Variants in CUX1 observed in about 807,000 individuals in gnomAD.
The protein encoded by CUX1 is cut like homeobox 1.
A neutral mutation model predicts 158.8 loss-of-function variants in CUX1; 31 were observed. That is an observed-to-expected ratio of 0.20 (90% CI 0.15 to 0.26). The LOEUF (loss-of-function observed/expected upper bound fraction) is 0.26. Ranked by LOEUF, CUX1 falls within the 10% of genes least tolerant of loss-of-function variation. CUX1 has a pLI of 1.00. For missense variants in CUX1, 1,589 were observed against 2,014.6 expected, an observed-to-expected ratio of 0.79 and a Z score of 4.04; for synonymous variants, 879 against 862.1, an observed-to-expected ratio of 1.02 and a Z score of -0.34.
intron 2 of CUX1, among the ~76,000 whole-genome samples, chr7:101,999,111 A>G (rs1585224252): frequency 1.3e-5 from 2 of 150,014 alleles, no homozygotes; most frequent in Admixed American, 6.6e-5. Context: ...AGGAGGGGCC[A>G]CCTCTGGAGT....
chr7:102,189,399 A>ATTTTT (rs1554516291), intron 11 of CUX1, among the ~76,000 whole-genome samples: 1 of 83,604 alleles, frequency 1.2e-5, no homozygotes. Flanking sequence ...TTTTTTTAAA[A>ATTTTT]AAAAAAGAGG....
intron 2 of CUX1, among the ~76,000 whole-genome samples, chr7:101,995,536 G>A (rs984226437): frequency 6.6e-6 from 1 of 152,220 alleles, no homozygotes; most frequent in African/African-American, 2.4e-5. Flanking sequence ...TGGGAACTTA[G>A]CAATGTACTT....
chr7:102,270,998 C>G (rs1427304846), intron 14 of CUX1, among the ~76,000 whole-genome samples: 1 of 152,206 alleles, frequency 6.6e-6, no homozygotes, highest in Non-Finnish European at 1.5e-5. Context: ...GCTGCCACCC[C>G]AGGGACCTGA....
At chr7:101,921,352 A>C (rs1356959769) in intron 2 of CUX1, among the ~76,000 whole-genome samples, 1 of 152,112 alleles carries the variant, frequency 6.6e-6, no homozygotes. Context: ...ATTAGCATTA[A>C]CCTGGGAATA....
rs1809803182 is a variant in CUX1, at chr7:101,956,526, G to T, written c.141+40301G>T. 3.9e-5 allele frequency among the ~76,000 whole-genome samples: 6 copies of T among 152,150 alleles called. No individual in the cohort carries two copies. In the South Asian group the frequency reaches 1.2e-3, roughly 32 times the overall value. The stretch of plus-strand genomic sequence containing the variant: ...CGTTTCCTTCAGAAAACTTCTTCAG[G>T]GGTAAACTGGTATAATAGGAATGTC... On this transcript the variant is annotated intron_variant, in intron 2 of 23. Transcript: ENST00000292535.
chr7:102,080,138 C>T (rs1827209807), intron 4 of CUX1, among the ~76,000 whole-genome samples: 1 of 152,196 alleles, frequency 6.6e-6, no homozygotes, highest in African/African-American at 2.4e-5. Flanking sequence ...GCCGTCCTTC[C>T]CAAGGCTTTC....
At chr7:101,970,731 T>G (rs1260158123) in intron 2 of CUX1, among the ~76,000 whole-genome samples, 1 of 151,934 alleles carries the variant, frequency 6.6e-6, no homozygotes, top group Non-Finnish European at 1.5e-5. Context: ...GATTTTTGTC[T>G]TTTTAGTAGA....
At chr7:101,959,984 T>C (rs1487326640) in intron 2 of CUX1, 1 of 152,230 alleles carries the variant, frequency 6.6e-6, no homozygotes, top group African/African-American at 2.4e-5. Context: ...GCCATCGAGA[T>C]GCCTCACATT....
chr7:101,818,384 C>T lies in CUX1; in HGVS notation c.30+715C>T, dbSNP rs989643641. Among the ~76,000 whole-genome samples the T allele has an allele frequency of 3.9e-5, 6 of 152,258 alleles. No homozygotes were observed. The East Asian group carries it at 9.6e-4, about 24-fold the overall frequency. On this transcript the variant is annotated intron_variant, in intron 1 of 23. Transcript: ENST00000292535. ...TCTCTTGTCTTCCTAAATGTGACAT[C>T]CTAGCTTAATATCAATGAAGTGTCT... is the stretch of plus-strand genomic sequence containing the variant.
intron 20 of CUX1, among the ~76,000 whole-genome samples, chr7:102,212,089 G>C (rs1022800902): frequency 6.6e-6 from 1 of 152,214 alleles, no homozygotes; most frequent in African/African-American, 2.4e-5. Flanking sequence ...CCAGATGCTT[G>C]TGGGATTCAA....
Position 102,255,325 on chromosome 7 carries a change from A to T in CUX1, c.*6283A>T. On this transcript the variant is annotated 3_prime_UTR_variant, in exon 24 of 24. Transcript: ENST00000292535. Reference sequence around the variant, plus strand: ...TTTAGCTTTAACAAGACATTTCCAAAGCGCCTAGTCTCCTCCAAAATGCTA... The same window carrying T: ...TTTAGCTTTAACAAGACATTTCCAATGCGCCTAGTCTCCTCCAAAATGCTA... 1.0e-6 allele frequency: 1 copy of T among 984,028 alleles called. No homozygotes were observed. The highest frequency in any genetic ancestry group is 1.2e-6 in the Non-Finnish European group (1 of 829,812). The allele number at this position is 984,028 out of a possible 1,614,324, so 61.0% of individuals were successfully genotyped here. A position where few individuals can be genotyped will look rare whatever the true frequency, so the allele number is the denominator to read the frequency against.
At chr7:102,223,893 C>G (rs1479317307) in intron 20 of CUX1, among the ~76,000 whole-genome samples, 1 of 152,070 alleles carries the variant, frequency 6.6e-6, no homozygotes, top group Non-Finnish European at 1.5e-5. Context: ...CGTTTGAACC[C>G]GGGAGGCGGA....
intron 1 of CUX1, among the ~76,000 whole-genome samples, chr7:101,844,012 G>C (rs1317457648): frequency 1.3e-5 from 2 of 152,130 alleles, no homozygotes; most frequent in African/African-American, 4.8e-5. Context: ...TCTTAAGTTT[G>C]GGACTTTCAG....
At chr7:101,877,619 G>A (rs1180481440) in intron 1 of CUX1, among the ~76,000 whole-genome samples, 3 of 152,162 alleles carry the variant, frequency 2.0e-5, no homozygotes, top group African/African-American at 7.2e-5. Context: ...CCCAGGAGGT[G>A]GAGGTTTCAG....
chr7:102,143,641 T>C (rs782804731), intron 8 of CUX1, among the ~76,000 whole-genome samples: 1 of 152,202 alleles, frequency 6.6e-6, no homozygotes, highest in African/African-American at 2.4e-5. Flanking sequence ...ATTCTTCTTA[T>C]AGAGATGTGC....
rs145447390 is a variant in CUX1 at position 101,970,184 on chromosome 7, G to A, written c.141+53959G>A. On this transcript the variant is annotated intron_variant, in intron 2 of 23. Coordinates refer to ENST00000292535, the MANE Select transcript of CUX1 (RefSeq NM_181552.4). ...ATTAGGCTTTATTCTCTTAGCAAAC[G>A]TTGACTGACAGTTGCAGAGAGTGGC... is the stretch of plus-strand genomic sequence containing the variant. 6.0e-3 allele frequency among the ~76,000 whole-genome samples: 920 copies of A among 152,208 alleles called. 7 individuals are homozygous for A. The highest frequency in any genetic ancestry group is 0.021 in the African/African-American group (865 of 41,528).
downstream of CUX1, among the ~76,000 whole-genome samples, chr7:102,262,672 T>C (rs1477073510): frequency 6.6e-6 from 1 of 152,184 alleles, no homozygotes; most frequent in Non-Finnish European, 1.5e-5. Context: ...GGGGTGGGAC[T>C]GAGCCGTGGT....
At chr7:102,158,707 C>G in intron 9 of CUX1, 99 bp downstream of exon 9, 1 of 1,164,450 alleles carries the variant, frequency 8.6e-7, no homozygotes, top group Non-Finnish European at 1.3e-6. Context: ...GCCGGTTATC[C>G]TTCCATTTTT....
At chr7:102,104,980 G>A (rs1830179702) in intron 6 of CUX1, among the ~76,000 whole-genome samples, 1 of 152,114 alleles carries the variant, frequency 6.6e-6, no homozygotes, top group Non-Finnish European at 1.5e-5. Context: ...GCAGCCAGTG[G>A]GCCCAAGACT....
Sources: gnomAD v4.1 joint callset for allele counts (sites outside exome capture counted in the v4.1 genomes callset) on GRCh38, gnomAD v4.1.1 for gene constraint, MANE v1.5 for transcripts, NCBI Gene and HGNC (gene_info 2026-07-23, HGNC 2026-07-21) for gene names.